MARK3: variants seen among roughly 807,000 people sequenced by gnomAD.
MARK3 encodes MAP/microtubule affinity-regulating kinase 3.
In MARK3, 46 loss-of-function variants were observed where a neutral mutation model predicts 90.1. The observed-to-expected ratio is 0.51, with a 90% CI of 0.40 to 0.65. MARK3 has a LOEUF of 0.65. MARK3 is among the 30% of genes least tolerant of loss of function. The probability of loss-of-function intolerance (pLI) is 0.00; values close to 1 mark genes in which losing one functional copy is unlikely to be tolerated. For missense variants in MARK3, 818 were observed against 947.2 expected, an observed-to-expected ratio of 0.86 and a Z score of 1.79; for synonymous variants, 321 against 332.6, an observed-to-expected ratio of 0.97 and a Z score of 0.38.
chr14:103,436,158 T>G (rs2092711851), intron 3 of MARK3, among the ~76,000 whole-genome samples: 1 of 152,148 alleles, frequency 6.6e-6, no homozygotes. Context: ...CCCAAAGTGC[T>G]GAATTACAGG....
chr14:103,412,815 A>G, intron 2 of MARK3: 1 of 372,688 alleles, frequency 2.7e-6, no homozygotes, highest in South Asian at 2.3e-5. Context: ...TTTATAAATT[A>G]TTAATAGTTT....
rs190830036 is a variant in MARK3, at chr14:103,464,245, G to A, written c.541-1312G>A. Among the ~76,000 whole-genome samples the A allele has an allele frequency of 2.7e-5, 4 of 150,120 alleles. No individual in the cohort carries two copies. In the East Asian group the frequency reaches 7.8e-4, roughly 29 times the overall value. On this transcript the variant is annotated intron_variant, in intron 7 of 17. Transcript: ENST00000429436. ...ACACTAATATAGCATCTGCTGTGGA[G>A]TAGCCACATAGGAAATGTTTCTTAA...
chr14:103,470,863 G>T (rs190944915), intron 12 of MARK3, among the ~76,000 whole-genome samples: 8 of 152,122 alleles, frequency 5.3e-5, no homozygotes, highest in Non-Finnish European at 1.0e-4. Flanking sequence ...CTTTGATTTT[G>T]TACTAAAAAT....
chr14:103,455,990 T>G (rs1005706648), intron 5 of MARK3, among the ~76,000 whole-genome samples: 2 of 152,214 alleles, frequency 1.3e-5, no homozygotes, highest in Admixed American at 1.3e-4. Flanking sequence ...AGTATTCTTT[T>G]CTATTGATTT....
At chr14:103,407,882 G>A (rs1187233617) in intron 2 of MARK3, among the ~76,000 whole-genome samples, 2 of 151,924 alleles carry the variant, frequency 1.3e-5, no homozygotes, top group Admixed American at 6.6e-5. Context: ...CTTGCATTTA[G>A]GTCTTTGCGC....
At chr14:103,416,497 G>A (rs1379058648) in intron 2 of MARK3, among the ~76,000 whole-genome samples, 4 of 152,202 alleles carry the variant, frequency 2.6e-5, no homozygotes, top group Non-Finnish European at 4.4e-5. Flanking sequence ...CAAGCCAGGC[G>A]TGGTGGATCA....
At chr14:103,480,131 A>G (rs1365863510) in intron 13 of MARK3, among the ~76,000 whole-genome samples, 1 of 152,030 alleles carries the variant, frequency 6.6e-6, no homozygotes, top group Non-Finnish European at 1.5e-5. Context: ...AAAAAGAAAA[A>G]AAAAATTAGC....
chr14:103,389,225 G>A (rs1428881704), intron 1 of MARK3, among the ~76,000 whole-genome samples: 2 of 151,748 alleles, frequency 1.3e-5, no homozygotes, highest in African/African-American at 4.8e-5. Flanking sequence ...TTAGCCGGGC[G>A]TGGTGGCAGG....
intron 1 of MARK3, among the ~76,000 whole-genome samples, chr14:103,399,491 C>T (rs756247783): frequency 2.0e-5 from 3 of 151,924 alleles, no homozygotes; most frequent in Non-Finnish European, 4.4e-5. Context: ...GGGTGGATCA[C>T]GAGGTCAGGA....
intron 14 of MARK3, among the ~76,000 whole-genome samples, chr14:103,483,987 G>A (rs1022131681): frequency 2.0e-5 from 3 of 152,096 alleles, no homozygotes; most frequent in African/African-American, 7.2e-5. Context: ...AGTTTGCACT[G>A]ACTAAACCTA....
chr14:103,425,588 C>T (rs2092378251), intron 2 of MARK3, among the ~76,000 whole-genome samples: 1 of 152,092 alleles, frequency 6.6e-6, no homozygotes, highest in Non-Finnish European at 1.5e-5. Flanking sequence ...TCCTTATGTG[C>T]CAGTTAGGGC....
At chr14:103,423,329 G>A (rs571366969) in intron 2 of MARK3, among the ~76,000 whole-genome samples, 2 of 151,116 alleles carry the variant, frequency 1.3e-5, no homozygotes, top group Admixed American at 6.6e-5. Context: ...TTCTCCAGTG[G>A]GTGTTTGCTG....
At chr14:103,442,369 C>CAAA (rs11397354) in intron 3 of MARK3, among the ~76,000 whole-genome samples, 1 of 145,272 alleles carries the variant, frequency 6.9e-6, no homozygotes, top group Admixed American at 6.9e-5. Flanking sequence ...GACTCCGTCT[C>CAAA]AAAAAAAAAA....
chr14:103,462,408 G>A lies in MARK3; in HGVS notation c.487G>A (p.Val163Met), dbSNP rs1595793403. 5.0e-6 allele frequency: 8 copies of A among 1,601,220 alleles called. No homozygotes were observed. In the East Asian group the frequency reaches 1.6e-4, roughly 32 times the overall value. The change falls in exon 7 of 18, where the codon GTG (valine) becomes ATG (methionine). Residue 163 changes from valine (V) to methionine (M), a missense_variant. By Grantham distance (21) the Val-to-Met change is conservative (BLOSUM62 1). Around this residue, in one of 3 missense-constraint regions of MARK3, gnomAD observed 101 missense variants for 175.1 expected, o/e 0.58. Coordinates refer to ENST00000429436, the MANE Select transcript of MARK3 (RefSeq NM_001128918.3). ...KEARSKFRQI[V>M]SAVQYCHQKR... The stretch of plus-strand genomic sequence containing the variant: ...ACTCTGCGTCTCTCCTATTCAGATT[G>A]TGTCTGCAGTTCAATACTGCCATCA...
At chr14:103,461,179 T>C (rs1038914170) in intron 6 of MARK3, among the ~76,000 whole-genome samples, 4 of 152,186 alleles carry the variant, frequency 2.6e-5, no homozygotes, top group African/African-American at 9.7e-5. Flanking sequence ...AACCTCAGTT[T>C]TGTGTATATG....
intron 2 of MARK3, among the ~76,000 whole-genome samples, chr14:103,427,729 G>A (rs2092457353): frequency 1.3e-5 from 2 of 152,150 alleles, no homozygotes; most frequent in African/African-American, 4.8e-5. Context: ...TTTGTAAACT[G>A]TCATGGTGGT....
At chr14:103,417,320 C>T (rs1348101997) in intron 2 of MARK3, 1 of 152,058 alleles carries the variant, frequency 6.6e-6, no homozygotes, top group Non-Finnish European at 1.5e-5. Context: ...AATTACAGAT[C>T]CTGGTAAGTT....
chr14:103,410,750 CT>C (rs201721466), intron 2 of MARK3, among the ~76,000 whole-genome samples: 9 of 150,964 alleles, frequency 6.0e-5, no homozygotes, highest in African/African-American at 9.7e-5. Context: ...ATTCATTTTT[CT>C]TTTTTTTTAA....
intron 1 of MARK3, among the ~76,000 whole-genome samples, chr14:103,401,055 C>G (rs2090937813): frequency 1.3e-5 from 2 of 149,872 alleles, no homozygotes; most frequent in Non-Finnish European, 3.0e-5. Context: ...AGTACAAGAA[C>G]TCATAATTAT....
Sources: gnomAD v4.1 joint callset for allele counts (sites outside exome capture counted in the v4.1 genomes callset) on GRCh38, gnomAD v4.1.1 for gene constraint, gnomAD v4.1.1 regional missense constraint, MANE v1.5 for transcripts, NCBI Gene and HGNC (gene_info 2026-07-23, HGNC 2026-07-21) for gene names.